The following PDE9A variants were observed in gnomAD, a reference collection of about 807,000 sequenced individuals.
PDE9A encodes high affinity cGMP-specific 3',5'-cyclic phosphodiesterase 9A.
Under a neutral mutation model 87.4 loss-of-function variants are expected in PDE9A, and 60 were observed. That is an observed-to-expected ratio of 0.69 (90% CI 0.56 to 0.85). PDE9A has a LOEUF of 0.85. PDE9A is among the 40% of genes least tolerant of loss of function. The probability of loss-of-function intolerance (pLI) is 0.00; values close to 1 mark genes in which losing one functional copy is unlikely to be tolerated. For missense variants in PDE9A, 665 were observed against 779.0 expected (o/e 0.85, Z 1.74); for synonymous variants, 272 against 279.4 (o/e 0.97, Z 0.27).
At chr21:42,689,221 G>A (rs2059654791) in intron 3 of PDE9A, among the ~76,000 whole-genome samples, 1 of 152,248 alleles carries the variant, frequency 6.6e-6, no homozygotes, top group African/African-American at 2.4e-5. Context: ...GTCCAGAGCT[G>A]TCCTGGTCAG....
intron 1 of PDE9A, among the ~76,000 whole-genome samples, chr21:42,654,485 G>A (rs2056898599): frequency 6.6e-6 from 1 of 152,122 alleles, no homozygotes; most frequent in African/African-American, 2.4e-5. Context: ...GTTCAGAATA[G>A]ACCCCCTTTG....
chr21:42,772,544 G>T, intron 19 of PDE9A, 24 bp downstream of exon 19: 1 of 1,415,970 alleles, frequency 7.1e-7, no homozygotes, highest in Non-Finnish European at 9.9e-7. Flanking sequence ...TGCTGAAGTG[G>T]CATCTCAGCG....
At position 42,775,460 on chromosome 21, in the gene PDE9A, A is replaced by C. The variant is rs1021384395; in HGVS notation, c.*167A>C. 1.3e-5 allele frequency: 7 copies of C among 535,070 alleles called. No homozygotes were observed. In the East Asian group the frequency reaches 2.3e-4, roughly 17 times the overall value. 33.1% of individuals were successfully genotyped at this position (535,070 alleles called of 1,614,324 possible). ...AAAAAAGGAATTCATGATGCTGTACAGAATTTTATTTTTAAACTGTCTTTT... is the reference window on the plus strand; with the variant it reads ...AAAAAAGGAATTCATGATGCTGTACCGAATTTTATTTTTAAACTGTCTTTT... On this transcript the variant is annotated 3_prime_UTR_variant, in exon 20 of 20. Transcript: ENST00000291539.
intron 4 of PDE9A, among the ~76,000 whole-genome samples, chr21:42,727,763 T>C (rs1344767012): frequency 6.6e-6 from 1 of 152,038 alleles, no homozygotes; most frequent in Non-Finnish European, 1.5e-5. Flanking sequence ...TCTAGGAGGG[T>C]TGTGTTTTTT....
In PDE9A at chr21:42,670,143, A is replaced by G. The variant is rs551410850; in HGVS notation, c.70-16049A>G. Among the ~76,000 whole-genome samples, 9 of 139,988 alleles carry G rather than the reference A, an allele frequency of 6.4e-5. No homozygotes were observed. In the East Asian group the frequency reaches 1.5e-3, roughly 24 times the overall value. 91.8% of individuals were successfully genotyped at this position (139,988 alleles called of 152,430 possible). On this transcript the variant is annotated intron_variant, in intron 1 of 19. Coordinates refer to ENST00000291539, the MANE Select transcript of PDE9A (RefSeq NM_002606.3). ...CATTCACAGGCTCACACATGCTTAC[A>G]CACACATTCACACGCACACACATTC... is the stretch of plus-strand genomic sequence containing the variant.
chr21:42,695,582 G>T lies in PDE9A; in HGVS notation c.219-3386G>T, dbSNP rs1235423794. On this transcript the variant is annotated intron_variant, in intron 3 of 19. Transcript: ENST00000291539. This position sits in a 1 kb window ranked among gnomAD's most constrained non-coding sequence, Gnocchi z 4.3. ...GTTGTGCCGCAGGTGACTCTCCACC[G>T]GCTGAGCTCTGTGCATGCAGGGCCA... Among the ~76,000 whole-genome samples the T allele has an allele frequency of 6.6e-6, 1 of 152,208 alleles. No individual in the cohort carries two copies. The highest frequency in any genetic ancestry group is 2.4e-5 in the African/African-American group (1 of 41,458).
intron 1 of PDE9A, among the ~76,000 whole-genome samples, chr21:42,662,802 ACAC>A (rs2057643741): frequency 7.1e-6 from 1 of 141,438 alleles, no homozygotes; most frequent in Non-Finnish European, 1.5e-5. Context: ...AAGCACACAC[ACAC>A]CACACACACG....
chr21:42,707,881 G>C (rs377037687), intron 4 of PDE9A, among the ~76,000 whole-genome samples: 1 of 152,202 alleles, frequency 6.6e-6, no homozygotes, highest in Non-Finnish European at 1.5e-5. Flanking sequence ...TAAGCGCCCA[G>C]TAAATGGTTG....
chr21:42,766,821 CAG>C (rs1412002199), intron 15 of PDE9A, among the ~76,000 whole-genome samples: 3 of 152,286 alleles, frequency 2.0e-5, no homozygotes, highest in Admixed American at 1.3e-4. Flanking sequence ...GACCTGCAGT[CAG>C]GGGTGACCCA....
At chr21:42,707,961 T>A (rs1343662655) in intron 4 of PDE9A, among the ~76,000 whole-genome samples, 1 of 152,222 alleles carries the variant, frequency 6.6e-6, no homozygotes, top group African/African-American at 2.4e-5. Flanking sequence ...ATTGCTGAAT[T>A]TTAATAGAAC....
intron 4 of PDE9A, among the ~76,000 whole-genome samples, chr21:42,721,464 GC>G (rs2050520953): frequency 6.6e-6 from 1 of 152,212 alleles, no homozygotes; most frequent in East Asian, 1.9e-4. Flanking sequence ...CAATCCCTTG[GC>G]AGGCAGGACA....
Position 42,659,144 on chromosome 21 carries a change from A to G in PDE9A, c.69+5261A>G, listed in dbSNP as rs886110309. Among the ~76,000 whole-genome samples the G allele has an allele frequency of 6.6e-6, 1 of 152,190 alleles. No individual in the cohort carries two copies. Among genetic ancestry groups the G allele is most frequent in the African/African-American group, 2.4e-5 (1 of 41,440 alleles). On this transcript the variant is annotated intron_variant, in intron 1 of 19. Transcript: ENST00000291539. The surrounding 1 kb of genome is among the most constrained non-coding windows in gnomAD (Gnocchi z 4.1). Reference sequence around the variant, plus strand: ...CTGGGCCCTTCCCAATTTTAGCCCAAGGGTGCCGAAAAGTCAGGGAGCTGC... The same window carrying G: ...CTGGGCCCTTCCCAATTTTAGCCCAGGGGTGCCGAAAAGTCAGGGAGCTGC...
intron 4 of PDE9A, among the ~76,000 whole-genome samples, chr21:42,712,632 C>T (rs746615766): frequency 2.0e-5 from 3 of 152,196 alleles, no homozygotes; most frequent in Admixed American, 2.0e-4. Context: ...CCATTACATA[C>T]GATGTTAGCC....
chr21:42,750,256 T>C (rs2054277780), intron 8 of PDE9A, among the ~76,000 whole-genome samples: 1 of 151,828 alleles, frequency 6.6e-6, no homozygotes, highest in African/African-American at 2.4e-5. Flanking sequence ...AACCTAGGAG[T>C]TCAAGACCAG....
rs1055707884 is a variant in PDE9A, at chr21:42,705,833, C to T, written c.262+6822C>T. Reference sequence around the variant, plus strand: ...GCCTGCCCTAGGACCCAGGACCTGTCTCTAGTCACACACACCCTGTTCAGC... The same window carrying T: ...GCCTGCCCTAGGACCCAGGACCTGTTTCTAGTCACACACACCCTGTTCAGC... On this transcript the variant is annotated intron_variant, in intron 4 of 19. Transcript: ENST00000291539. The surrounding 1 kb of genome is among the most constrained non-coding windows in gnomAD (Gnocchi z 4.3). 6.6e-6 allele frequency among the ~76,000 whole-genome samples: 1 copy of T among 152,164 alleles called. No individual in the cohort carries two copies. Among genetic ancestry groups the T allele is most frequent in the Non-Finnish European group, 1.5e-5 (1 of 68,018 alleles).
At chr21:42,740,092 CATACATACATAG>C (rs536582325) in intron 7 of PDE9A, among the ~76,000 whole-genome samples, 23 of 152,130 alleles carry the variant, frequency 1.5e-4, no homozygotes, top group African/African-American at 5.3e-4. Flanking sequence ...TAGATAGATA[CATACATACATAG>C]ATACATACAT....
At chr21:42,665,617 G>C (rs1354050620) in intron 1 of PDE9A, among the ~76,000 whole-genome samples, 1 of 152,186 alleles carries the variant, frequency 6.6e-6, no homozygotes, top group Non-Finnish European at 1.5e-5. Context: ...GGCCTTCCCT[G>C]CCCTGGCCGG....
Position 42,754,018 on chromosome 21 carries a change from C to T in PDE9A, c.764C>T (p.Ala255Val), listed in dbSNP as rs1464597959. ...KYLLSPETIEALRKPTFDVWL... is the reference protein window; with the variant it reads ...KYLLSPETIEVLRKPTFDVWL... ...CTGCTCTCTCCAGAGACCATCGAGG[C>T]CCTGCGGAAGCCGACCTTTGACGTC... The change falls in exon 10 of 20, where the codon GCC (alanine) becomes GTC (valine). Residue 255 changes from alanine to valine, a missense_variant. Coordinates refer to ENST00000291539, the MANE Select transcript of PDE9A (RefSeq NM_002606.3). The T allele has an allele frequency of 6.2e-7, 1 of 1,613,244 alleles. No individual in the cohort carries two copies. Among genetic ancestry groups the T allele is most frequent in the East Asian group, 2.2e-5 (1 of 44,876 alleles).
chr21:42,731,320 T>C (rs1324924970), intron 4 of PDE9A, among the ~76,000 whole-genome samples: 1 of 152,136 alleles, frequency 6.6e-6, no homozygotes, highest in African/African-American at 2.4e-5. Context: ...ACATAGAAGA[T>C]GACGTAAACT....
Sources: gnomAD v4.1 joint callset for allele counts (sites outside exome capture counted in the v4.1 genomes callset) on GRCh38, gnomAD v4.1.1 for gene constraint, Gnocchi (gnomAD v3.1) non-coding constraint, MANE v1.5 for transcripts, NCBI Gene and HGNC (gene_info 2026-07-23, HGNC 2026-07-21) for gene names.